The following TNKS variants were observed in gnomAD, a reference collection of about 807,000 sequenced individuals.
TNKS encodes the protein poly [ADP-ribose] polymerase tankyrase-1.
In TNKS, 72 loss-of-function variants were observed where a neutral mutation model predicts 135.8. The ratio of observed to expected loss-of-function variants is 0.53; its 90% CI spans 0.44 to 0.64. TNKS has a LOEUF of 0.64. Ranked by LOEUF, TNKS falls within the 30% of genes least tolerant of loss-of-function variation. TNKS has a pLI of 0.00. For synonymous variants in TNKS, 849 were observed against 649.3 expected, an observed-to-expected ratio of 1.31 and a Z score of -4.68; for missense variants, 1,769 against 1,674.0, an observed-to-expected ratio of 1.06 and a Z score of -0.99.
At chr8:9,704,555 G>C (rs142930452) in intron 5 of TNKS, 108 bp from the exon 6 acceptor site, 1 of 835,906 alleles carries the variant, frequency 1.2e-6, no homozygotes, top group Non-Finnish European at 1.9e-6. Flanking sequence ...ACATTTCAGC[G>C]CAGTATTTTT....
chr8:9,666,760 C>G (rs943207286), intron 3 of TNKS, among the ~76,000 whole-genome samples: 2 of 151,776 alleles, frequency 1.3e-5, no homozygotes, highest in Non-Finnish European at 2.9e-5. Context: ...AATCTTGAAC[C>G]GTTTTGAGTA....
intron 3 of TNKS, among the ~76,000 whole-genome samples, chr8:9,641,558 C>G (rs945849038): frequency 2.1e-5 from 3 of 144,902 alleles, no homozygotes; most frequent in Non-Finnish European, 4.5e-5. Flanking sequence ...ATTGACAGAA[C>G]TTGTGTTTTT....
At chr8:9,751,553 C>T (rs1806532576) in intron 18 of TNKS, 56 bp from the exon 19 acceptor site, 5 of 1,504,622 alleles carry the variant, frequency 3.3e-6, no homozygotes, top group Non-Finnish European at 1.8e-6. Context: ...CAGTGAAAAA[C>T]TTACCATTTT....
chr8:9,686,372 C>T (rs1320896597), intron 5 of TNKS, among the ~76,000 whole-genome samples: 19 of 152,166 alleles, frequency 1.2e-4, no homozygotes, highest in Non-Finnish European at 1.5e-5. Context: ...GTTCCCGATC[C>T]ATCTTTAGGG....
rs553392466 is a variant in TNKS, at chr8:9,633,847, C to T, written c.994+18170C>T. ...GATTCTTGGAAGCAGATTTTCCAGC[C>T]GCATTTAAGCCTTGAGATGAGATAT... On this transcript the variant is annotated intron_variant, in intron 3 of 26. Transcript: ENST00000310430. Among the ~76,000 whole-genome samples the T allele has an allele frequency of 5.3e-5, 8 of 152,144 alleles. 1 individual carries two copies. The highest frequency in any genetic ancestry group is 1.2e-4 in the African/African-American group (5 of 41,496).
intron 26 of TNKS, among the ~76,000 whole-genome samples, chr8:9,771,851 G>A (rs543329078): frequency 1.9e-4 from 2 of 10,446 alleles, no homozygotes; most frequent in Non-Finnish European, 3.9e-4. Context: ...GGGGAGGGAG[G>A]GAGAGAGAGC....
chr8:9,764,238 A>G (rs1413673085), intron 22 of TNKS, among the ~76,000 whole-genome samples: 2 of 152,114 alleles, frequency 1.3e-5, no homozygotes, highest in Non-Finnish European at 2.9e-5. Flanking sequence ...CTTTAGTAGT[A>G]CATTATAGTC....
chr8:9,716,026 C>G lies in TNKS; in HGVS notation c.1750-4348C>G, dbSNP rs1167879062. 3.3e-5 allele frequency among the ~76,000 whole-genome samples: 5 copies of G among 152,226 alleles called. No individual in the cohort carries two copies. In the East Asian group the frequency reaches 5.8e-4, roughly 18 times the overall value. On this transcript the variant is annotated intron_variant, in intron 11 of 26. Transcript: ENST00000310430. ...AGAAGTTTAATTCATAAATGCATTT[C>G]TTCATATATAAAGCATAGCTATTTT...
chr8:9,691,906 A>G (rs1254555840), intron 5 of TNKS, among the ~76,000 whole-genome samples: 1 of 152,200 alleles, frequency 6.6e-6, no homozygotes, highest in African/African-American at 2.4e-5. Flanking sequence ...AGTCAAAATA[A>G]TTTATTTGAT....
chr8:9,578,919 A>C (rs1019384497), intron 1 of TNKS, among the ~76,000 whole-genome samples: 5 of 152,248 alleles, frequency 3.3e-5, no homozygotes, highest in African/African-American at 1.2e-4. Context: ...TTGTAATTTT[A>C]CCACTATACT....
chr8:9,559,549 C>T (rs1436338526), intron 1 of TNKS, among the ~76,000 whole-genome samples: 1 of 151,958 alleles, frequency 6.6e-6, no homozygotes. Context: ...ATCACCTAGG[C>T]AATGAGCATA....
chr8:9,657,783 C>T (rs1269889339), intron 3 of TNKS, among the ~76,000 whole-genome samples: 1 of 146,748 alleles, frequency 6.8e-6, no homozygotes, highest in African/African-American at 2.5e-5. Flanking sequence ...AGGGGGCTGA[C>T]CCCCCCACCT....
chr8:9,676,629 GT>G (rs1348544974), intron 3 of TNKS, among the ~76,000 whole-genome samples: 2 of 151,134 alleles, frequency 1.3e-5, no homozygotes, highest in African/African-American at 4.9e-5. Flanking sequence ...TTTCAGCTTT[GT>G]TTTAATAACA....
chr8:9,774,501 C>T (rs1013292427), intron 26 of TNKS, among the ~76,000 whole-genome samples: 1 of 152,188 alleles, frequency 6.6e-6, no homozygotes, highest in Non-Finnish European at 1.5e-5. Context: ...TACATACATA[C>T]ATCCTACGCT....
At position 9,746,792 on chromosome 8, in the gene TNKS, C is replaced by T. The variant is rs771375523; in HGVS notation, c.2644-1232C>T. ...CTGTGCTCCAACCTTTTCTGACAAA[C>T]GATCTGCACAATGTCTTTACTTTGA... On this transcript the variant is annotated intron_variant, in intron 17 of 26. Transcript: ENST00000310430. 4.0e-5 allele frequency among the ~76,000 whole-genome samples: 6 copies of T among 151,612 alleles called. No homozygotes were observed. In the South Asian group the frequency reaches 6.2e-4, roughly 16 times the overall value.
chr8:9,708,250 C>G, intron 8 of TNKS, 121 bp from the exon 9 acceptor site: 1 of 860,888 alleles, frequency 1.2e-6, no homozygotes, highest in East Asian at 3.0e-5. Context: ...TATCACATTG[C>G]TGCTGTTGTT....
Position 9,579,871 on chromosome 8 carries a change from C to G in TNKS, c.674-288C>G, listed in dbSNP as rs139717008. 2.6e-3 allele frequency among the ~76,000 whole-genome samples: 402 copies of G among 152,252 alleles called. 3 individuals carry two copies. The highest frequency in any genetic ancestry group is 4.3e-3 in the Non-Finnish European group (292 of 68,010). ...GGGGAAAGTGAGTTCCTGGATAAGT[C>G]TTGTCATATTTATTTTGTGTTTCTA... On this transcript the variant is annotated intron_variant, in intron 1 of 26. Transcript: ENST00000310430.
At chr8:9,672,387 G>A (rs1802316626) in intron 3 of TNKS, among the ~76,000 whole-genome samples, 2 of 152,084 alleles carry the variant, frequency 1.3e-5, no homozygotes, top group Middle Eastern at 3.4e-3. Context: ...GCTGTACTAT[G>A]TAACAGTGAT....
At chr8:9,609,856 T>C (rs1799379735) in intron 2 of TNKS, among the ~76,000 whole-genome samples, 1 of 152,154 alleles carries the variant, frequency 6.6e-6, no homozygotes, top group Non-Finnish European at 1.5e-5. Flanking sequence ...GAATTTTCTT[T>C]TTTTCTTTTT....
Sources: allele counts gnomAD v4.1 joint callset (sites outside exome capture counted in the v4.1 genomes callset), GRCh38; gene constraint gnomAD v4.1.1; transcripts MANE v1.5; gene names NCBI Gene and HGNC (gene_info 2026-07-23, HGNC 2026-07-21).